The following SQOR variants were observed in gnomAD, a reference collection of about 807,000 sequenced individuals.
The protein encoded by SQOR is sulfide quinone oxidoreductase, also known as sulfide:quinone oxidoreductase, mitochondrial.
In SQOR, 39 loss-of-function variants were observed where a neutral mutation model predicts 48.6. The observed-to-expected ratio is 0.80, with a 90% CI of 0.62 to 1.05. The LOEUF is 1.05. Ranked by LOEUF, SQOR falls within the 50% of genes least tolerant of loss-of-function variation. The pLI is 0.00. For synonymous variants in SQOR, 220 were observed against 206.2 expected, an observed-to-expected ratio of 1.07 and a Z score of -0.57; for missense variants, 561 against 559.9, an observed-to-expected ratio of 1.00 and a Z score of -0.02.
intron 4 of SQOR, among the ~76,000 whole-genome samples, chr15:45,672,899 A>C (rs906598077): frequency 2.6e-5 from 4 of 152,164 alleles, no homozygotes; most frequent in African/African-American, 9.6e-5. Context: ...CTGAGTGTGC[A>C]TCTGAATCAG....
At chr15:45,654,926 A>T (rs757050654) in intron 1 of SQOR, among the ~76,000 whole-genome samples, 2 of 152,148 alleles carry the variant, frequency 1.3e-5, no homozygotes, top group Non-Finnish European at 2.9e-5. Context: ...CTTATTATGC[A>T]AATGAACTTT....
chr15:45,643,152 T>A (rs642328), intron 1 of SQOR, among the ~76,000 whole-genome samples: 40,067 of 152,080 alleles, frequency 0.26, 6,637 homozygotes, highest in East Asian at 0.64. Context: ...GTCTCTCAGC[T>A]TGCATCCTTA....
chr15:45,661,589 G>A (rs1236961545), intron 2 of SQOR, among the ~76,000 whole-genome samples: 1 of 152,102 alleles, frequency 6.6e-6, no homozygotes, highest in Non-Finnish European at 1.5e-5. Flanking sequence ...AGGCTGCTGG[G>A]CTTAATTTTT....
At position 45,658,927 on chromosome 15, in the gene SQOR, G is replaced by GC. The variant is rs1889666170; in HGVS notation, c.4_5insC (p.Val2AlafsTer44). 4 of 1,554,880 alleles carry GC rather than the reference G, an allele frequency of 2.6e-6. No homozygotes were observed. Among genetic ancestry groups the GC allele is most frequent in the Non-Finnish European group, 3.5e-6 (4 of 1,145,338 alleles). On this transcript the variant is annotated frameshift_variant, in exon 2 of 10. Coordinates refer to ENST00000260324, the MANE Select transcript of SQOR (RefSeq NM_021199.4). LOFTEE classifies it high-confidence loss of function. The stretch of plus-strand genomic sequence containing the variant: ...TCCAGCCTGATCCTGCCTGAAGATG[G>GC]TGCCACTGGTGGCTGTGGTATCAGG...
chr15:45,665,113 G>A (rs1388702938), intron 3 of SQOR, among the ~76,000 whole-genome samples: 13 of 152,044 alleles, frequency 8.6e-5, no homozygotes. Flanking sequence ...TCGGTGGTTG[G>A]GTTCATGCTC....
At chr15:45,687,982 A>G (rs559592067) in intron 7 of SQOR, among the ~76,000 whole-genome samples, 1 of 152,354 alleles carries the variant, frequency 6.6e-6, no homozygotes, top group Admixed American at 6.5e-5. Context: ...GAACAGGGAC[A>G]CAGGGATAAC....
chr15:45,638,627 G>T (rs898449822), intron 1 of SQOR, among the ~76,000 whole-genome samples: 1 of 151,980 alleles, frequency 6.6e-6, no homozygotes, highest in Non-Finnish European at 1.5e-5. Flanking sequence ...AGGGGGCTGA[G>T]GCATGAGACT....
intron 1 of SQOR, among the ~76,000 whole-genome samples, chr15:45,649,722 A>C (rs973284959): frequency 6.6e-6 from 1 of 152,084 alleles, no homozygotes; most frequent in Non-Finnish European, 1.5e-5. Flanking sequence ...GCCTGAGGTG[A>C]TCTACCTGAC....
chr15:45,657,938 G>A (rs1889643010), intron 1 of SQOR, among the ~76,000 whole-genome samples: 1 of 152,064 alleles, frequency 6.6e-6, no homozygotes, highest in Non-Finnish European at 1.5e-5. Flanking sequence ...ATCATGAGCC[G>A]GAGCCACTCA....
intron 1 of SQOR, among the ~76,000 whole-genome samples, chr15:45,637,105 C>G (rs1313489188): frequency 6.6e-6 from 1 of 152,046 alleles, no homozygotes; most frequent in Non-Finnish European, 1.5e-5. Context: ...CCTCAGCATC[C>G]CTAGTAGCTG....
chr15:45,649,970 G>A (rs1477693486), intron 1 of SQOR, among the ~76,000 whole-genome samples: 1 of 151,964 alleles, frequency 6.6e-6, no homozygotes, highest in Non-Finnish European at 1.5e-5. Flanking sequence ...AGGCTCCCAA[G>A]TACCTGGGAT....
rs145477243 is a variant in SQOR, at chr15:45,675,819, G to A, written c.655-282G>A. 3.5e-3 allele frequency among the ~76,000 whole-genome samples: 537 copies of A among 152,168 alleles called. 2 individuals carry two copies. Among genetic ancestry groups the A allele is most frequent in the African/African-American group, 0.012 (513 of 41,524 alleles). ...ACATGAATATATGAATAAACATTCC[G>A]TTCTACTCTACTCTGTCTTGACCTG... On this transcript the variant is annotated intron_variant, in intron 5 of 9. Transcript: ENST00000260324.
chr15:45,638,037 T>C (rs1034400312), intron 1 of SQOR, among the ~76,000 whole-genome samples: 2 of 152,218 alleles, frequency 1.3e-5, no homozygotes, highest in Non-Finnish European at 2.9e-5. Flanking sequence ...TCCCCAGATG[T>C]AGGTGGTAAT....
At chr15:45,662,619 T>C (rs191016970) in intron 3 of SQOR, among the ~76,000 whole-genome samples, 28 of 152,288 alleles carry the variant, frequency 1.8e-4, no homozygotes, top group African/African-American at 6.5e-4. Flanking sequence ...CTAAGGAGAA[T>C]TGTTGCTGGA....
intron 1 of SQOR, chr15:45,645,789 T>C (rs1248223576): frequency 6.6e-6 from 1 of 152,234 alleles, no homozygotes; most frequent in Non-Finnish European, 1.5e-5. Flanking sequence ...CTTCATGTAA[T>C]AGGGAAATGA....
chr15:45,647,672 T>C (rs942416820), intron 1 of SQOR, among the ~76,000 whole-genome samples: 1 of 151,596 alleles, frequency 6.6e-6, no homozygotes, highest in East Asian at 2.0e-4. Flanking sequence ...TCGCAGCACT[T>C]TGGGAGGCCA....
At chr15:45,689,295 T>C (rs1890279887) in intron 9 of SQOR, 78 bp downstream of exon 9, 1 of 1,423,046 alleles carries the variant, frequency 7.0e-7, no homozygotes, top group Non-Finnish European at 9.7e-7. Context: ...CAGCCTCTTT[T>C]CTTCATTATT....
At chr15:45,650,574 C>A (rs947404703) in intron 1 of SQOR, among the ~76,000 whole-genome samples, 3 of 152,218 alleles carry the variant, frequency 2.0e-5, no homozygotes, top group Non-Finnish European at 4.4e-5. Context: ...CCAGAAAGGA[C>A]TGCCACCGCT....
chr15:45,674,301 G>A (rs56331605), intron 5 of SQOR, among the ~76,000 whole-genome samples: 2,362 of 152,228 alleles, frequency 0.016, 64 homozygotes, highest in African/African-American at 0.054. Context: ...TTAGCTGGGC[G>A]TGGTGGTGCA....
Sources: allele counts gnomAD v4.1 joint callset (sites outside exome capture counted in the v4.1 genomes callset), GRCh38; gene constraint gnomAD v4.1.1; transcripts MANE v1.5; gene names NCBI Gene and HGNC (gene_info 2026-07-23, HGNC 2026-07-21).